COL14A1: variants seen among roughly 807,000 people sequenced by gnomAD.
COL14A1 encodes the protein collagen type XIV alpha 1 chain, also known as collagen alpha-1(XIV) chain.
Under a neutral mutation model 230.3 loss-of-function variants are expected in COL14A1, and 136 were observed. That is an observed-to-expected ratio of 0.59 (90% CI 0.51 to 0.68). The LOEUF is 0.68. Among genes scored for constraint, COL14A1 ranks in the 30% least tolerant of loss-of-function variants. The pLI is 0.00. For synonymous variants in COL14A1, 792 were observed against 784.1 expected (o/e 1.01, Z -0.17); for missense variants, 1,976 against 2,215.8 (o/e 0.89, Z 2.17).
chr8:120,282,164 A>G (rs1820058805), intron 31 of COL14A1, among the ~76,000 whole-genome samples: 2 of 152,206 alleles, frequency 1.3e-5, no homozygotes, highest in Non-Finnish European at 2.9e-5. Flanking sequence ...ATAAAAAATG[A>G]TGAGTTCATG....
chr8:120,216,882 CAGAG>C (rs1563677656), intron 14 of COL14A1, among the ~76,000 whole-genome samples: 1 of 152,188 alleles, frequency 6.6e-6, no homozygotes, highest in African/African-American at 2.4e-5. Flanking sequence ...CATGTCCAAA[CAGAG>C]AGAGAGCTAA....
chr8:120,208,873 C>T (rs577146475), intron 11 of COL14A1, among the ~76,000 whole-genome samples: 2 of 152,156 alleles, frequency 1.3e-5, no homozygotes, highest in Non-Finnish European at 2.9e-5. Flanking sequence ...TACACACACG[C>T]ACACAGAATC....
intron 36 of COL14A1, among the ~76,000 whole-genome samples, chr8:120,304,608 T>C (rs1469598592): frequency 6.6e-6 from 1 of 152,236 alleles, no homozygotes; most frequent in Admixed American, 6.5e-5. Context: ...AGTAATGCTT[T>C]TTACTTCAAG....
intron 40 of COL14A1, among the ~76,000 whole-genome samples, chr8:120,330,349 A>G (rs1323400537): frequency 6.6e-6 from 1 of 152,198 alleles, no homozygotes. Context: ...CGCTGCTAAT[A>G]AAGACATACC....
At chr8:120,175,093 C>T (rs1278957502) in intron 5 of COL14A1, among the ~76,000 whole-genome samples, 2 of 152,172 alleles carry the variant, frequency 1.3e-5, no homozygotes, top group African/African-American at 4.8e-5. Flanking sequence ...ACATATTTTA[C>T]AATTTTAGTT....
chr8:120,216,266 ATAGTT>A (rs1185018058), intron 13 of COL14A1, 80 bp from the exon 14 acceptor site: 2 of 1,096,680 alleles, frequency 1.8e-6, no homozygotes, highest in Admixed American at 2.3e-5. Context: ...TCATATGTAA[ATAGTT>A]TAGAAGTCAA....
At chr8:120,212,196 T>C (rs1817632693) in intron 12 of COL14A1, among the ~76,000 whole-genome samples, 1 of 152,214 alleles carries the variant, frequency 6.6e-6, no homozygotes, top group African/African-American at 2.4e-5. Context: ...GAGTTGCCAT[T>C]TGTCCAGATG....
chr8:120,298,081 C>T (rs1820583087), intron 35 of COL14A1, among the ~76,000 whole-genome samples: 3 of 152,006 alleles, frequency 2.0e-5, no homozygotes, highest in Admixed American at 2.0e-4. Context: ...AGCCCTGCAG[C>T]ATTTCTCATA....
At chr8:120,361,856 C>G (rs1823231356) in intron 45 of COL14A1, among the ~76,000 whole-genome samples, 2 of 152,170 alleles carry the variant, frequency 1.3e-5, no homozygotes, top group Admixed American at 1.3e-4. Context: ...CAGAGGCCAA[C>G]AGGCCAAAGA....
chr8:120,255,637 C>T (rs1819122892), intron 23 of COL14A1, among the ~76,000 whole-genome samples: 1 of 152,136 alleles, frequency 6.6e-6, no homozygotes, highest in South Asian at 2.1e-4. Flanking sequence ...ACATAAAGCA[C>T]TTGCAGTAGT....
chr8:120,278,474 CAG>C lies in COL14A1; in HGVS notation c.3380_3381del (p.Glu1127ValfsTer16). On this transcript the variant is annotated frameshift_variant, in exon 28 of 48. Transcript: ENST00000297848. LOFTEE classifies it high-confidence loss of function. ...TATGTTCGAGATACCTTGTTCACTG[CAG>C]AGTCAGGTACAAGAAGGGGCATCCC... 1 of 1,613,078 alleles carries C rather than the reference CAG, an allele frequency of 6.2e-7. No individual in the cohort carries two copies. The highest frequency in any genetic ancestry group is 8.5e-7 in the Non-Finnish European group (1 of 1,179,488).
intron 23 of COL14A1, 52 bp downstream of exon 23, chr8:120,255,408 C>A (rs1819113358): frequency 7.8e-7 from 1 of 1,287,728 alleles, no homozygotes; most frequent in Non-Finnish European, 1.1e-6. Context: ...GTATTTGATT[C>A]TTTGCACACC....
chr8:120,266,888 A>T lies in COL14A1; in HGVS notation c.3073+5A>T. 1.2e-6 allele frequency: 2 copies of T among 1,607,284 alleles called. No individual in the cohort carries two copies. Among genetic ancestry groups the T allele is most frequent in the African/African-American group, 2.7e-5 (2 of 74,812 alleles). On this transcript the variant is annotated splice_donor_5th_base_variant and intron_variant, in intron 25 of 47. Transcript: ENST00000297848. ...CCATTCCACCAGCAAAAGAAGGTAA[A>T]AGAATAATAGAATAATTATCTGATT...
At position 120,338,441 on chromosome 8, in the gene COL14A1, G is replaced by A. The variant is rs577779439; in HGVS notation, c.4786-2884G>A. Among the ~76,000 whole-genome samples the A allele has an allele frequency of 9.2e-5, 14 of 152,162 alleles. No individual in the cohort carries two copies. In the South Asian group the frequency reaches 2.7e-3, roughly 29 times the overall value. ...TCCCTGGTTTTTTCACTTCCTTATT[G>A]CCTGGCCTTGAGCAAGTGACAAGAC... On this transcript the variant is annotated intron_variant, in intron 42 of 47. Transcript: ENST00000297848.
At chr8:120,152,098 AG>A (rs1262479580) in intron 2 of COL14A1, among the ~76,000 whole-genome samples, 1 of 152,206 alleles carries the variant, frequency 6.6e-6, no homozygotes, top group Non-Finnish European at 1.5e-5. Context: ...ACTGTAAGAT[AG>A]TACATGTCTG....
chr8:120,194,693 C>T (rs570411495), intron 5 of COL14A1, among the ~76,000 whole-genome samples: 1 of 152,182 alleles, frequency 6.6e-6, no homozygotes, highest in East Asian at 1.9e-4. Context: ...AGAAAGCGTT[C>T]CCTTTCTAAG....
At chr8:120,328,775 T>C (rs1821771818) in intron 40 of COL14A1, among the ~76,000 whole-genome samples, 1 of 152,230 alleles carries the variant, frequency 6.6e-6, no homozygotes, top group Non-Finnish European at 1.5e-5. Context: ...TTCCTGCTGT[T>C]CTTCCTTGGA....
chr8:120,292,555 C>T (rs901511630), intron 34 of COL14A1, among the ~76,000 whole-genome samples: 130 of 152,164 alleles, frequency 8.5e-4, no homozygotes, highest in African/African-American at 3.0e-3. Context: ...AGGGATATTA[C>T]TTAATCATTT....
chr8:120,153,065 TA>T (rs529850482), intron 2 of COL14A1, among the ~76,000 whole-genome samples: 19 of 128,514 alleles, frequency 1.5e-4, no homozygotes, highest in South Asian at 1.1e-3. Context: ...TAAACCACAT[TA>T]AAAAAAAATC....
Sources: allele counts gnomAD v4.1 joint callset (sites outside exome capture counted in the v4.1 genomes callset), GRCh38; gene constraint gnomAD v4.1.1; transcripts MANE v1.5; gene names NCBI Gene and HGNC (gene_info 2026-07-23, HGNC 2026-07-21).